The following KITLG variants were observed in gnomAD, a reference collection of about 807,000 sequenced individuals.
The protein encoded by KITLG is KIT ligand, also known as c-Kit ligand.
Under a neutral mutation model 34.1 loss-of-function variants are expected in KITLG, and 13 were observed. The observed-to-expected ratio is 0.38, with a 90% CI of 0.25 to 0.61. The LOEUF is 0.61. Among genes scored for constraint, KITLG ranks in the 20% least tolerant of loss-of-function variants. The pLI, the probability that KITLG is intolerant of heterozygous loss-of-function variation, is 0.60. For missense variants in KITLG, 292 were observed against 318.9 expected (o/e 0.92, Z 0.64); for synonymous variants, 110 against 104.0 (o/e 1.06, Z -0.35).
At chr12:88,560,080 CCTCT>C (rs1352902700) in intron 1 of KITLG, among the ~76,000 whole-genome samples, 1 of 152,174 alleles carries the variant, frequency 6.6e-6, no homozygotes, top group Non-Finnish European at 1.5e-5. Flanking sequence ...AATTATGTAA[CCTCT>C]CTGAGACTCA....
Position 88,493,112 on chromosome 12 carries a change from CA to C in KITLG, c.*4106del, listed in dbSNP as rs1333259522. ...GTCCATTGATTTAAAAAAATGGTGGCAAGTGGACACTATAATCACATATTAA... is the reference window on the plus strand; with the variant it reads ...GTCCATTGATTTAAAAAAATGGTGGCAGTGGACACTATAATCACATATTAA... On this transcript the variant is annotated 3_prime_UTR_variant, in exon 10 of 10. Coordinates refer to ENST00000644744, the MANE Select transcript of KITLG (RefSeq NM_000899.5). 1 of 152,074 alleles carries C rather than the reference CA, an allele frequency of 6.6e-6. No individual in the cohort carries two copies. The highest frequency in any genetic ancestry group is 1.5e-5 in the Non-Finnish European group (1 of 67,800). 9.4% of individuals were successfully genotyped at this position (152,074 alleles called of 1,614,324 possible). A position where few individuals can be genotyped will look rare whatever the true frequency, so the allele number is the denominator to read the frequency against.
chr12:88,569,225 G>A (rs1050247475), intron 1 of KITLG, among the ~76,000 whole-genome samples: 1 of 152,120 alleles, frequency 6.6e-6, no homozygotes, highest in East Asian at 1.9e-4. Context: ...TATTGGTGCC[G>A]CGATCTTGGG....
At chr12:88,577,275 C>T (rs1871859031) in intron 1 of KITLG, among the ~76,000 whole-genome samples, 1 of 152,100 alleles carries the variant, frequency 6.6e-6, no homozygotes, top group Non-Finnish European at 1.5e-5. Context: ...ATTCTATTTG[C>T]TTATTCTCTG....
chr12:88,511,632 G>A (rs1257589379), intron 6 of KITLG, among the ~76,000 whole-genome samples: 4 of 152,058 alleles, frequency 2.6e-5, no homozygotes, highest in South Asian at 2.1e-4. Flanking sequence ...TGCACCAGTA[G>A]AGAAGTCACA....
At chr12:88,578,673 A>G (rs1451279155) in intron 1 of KITLG, among the ~76,000 whole-genome samples, 2 of 152,110 alleles carry the variant, frequency 1.3e-5, no homozygotes, top group African/African-American at 4.8e-5. Context: ...CTGGCTTTGG[A>G]GTGTTGGACA....
intron 3 of KITLG, among the ~76,000 whole-genome samples, chr12:88,525,044 G>A (rs1869814712): frequency 6.6e-6 from 1 of 152,066 alleles, no homozygotes; most frequent in Non-Finnish European, 1.5e-5. Flanking sequence ...CCCCAAAATT[G>A]GTATTGATCA....
chr12:88,541,812 A>C (rs1169842277), intron 2 of KITLG, among the ~76,000 whole-genome samples: 1 of 149,988 alleles, frequency 6.7e-6, no homozygotes. Flanking sequence ...GTTCAAGAAG[A>C]AATTAAAAAA....
At position 88,532,510 on chromosome 12, in the gene KITLG, AG is replaced by A. The variant is rs1870135891; in HGVS notation, c.130-8del. The A allele has an allele frequency of 6.3e-6, 10 of 1,597,882 alleles. No homozygotes were observed. Among genetic ancestry groups the A allele is most frequent in the Non-Finnish European group, 6.8e-6 (8 of 1,169,928 alleles). On this transcript the variant is annotated splice_polypyrimidine_tract_variant and splice_region_variant and intron_variant, in intron 2 of 9. Coordinates refer to ENST00000644744, the MANE Select transcript of KITLG (RefSeq NM_000899.5). Reference sequence around the variant, plus strand: ...CTTTTGGAAGATTTGCCACCTACAGAGACAAAAAAAAAAATTCCATAAGAAA... The same window carrying A: ...CTTTTGGAAGATTTGCCACCTACAGAACAAAAAAAAAAATTCCATAAGAAA...
At chr12:88,509,475 G>C (rs1308198118) in intron 6 of KITLG, among the ~76,000 whole-genome samples, 1 of 152,184 alleles carries the variant, frequency 6.6e-6, no homozygotes, top group African/African-American at 2.4e-5. Flanking sequence ...AGAAAGCTCA[G>C]ACTTGCTCTC....
chr12:88,505,450 T>C (rs146721596), intron 8 of KITLG, among the ~76,000 whole-genome samples: 1 of 152,326 alleles, frequency 6.6e-6, no homozygotes, highest in Non-Finnish European at 1.5e-5. Flanking sequence ...CATTTCTTTC[T>C]CTGTATATGC....
At chr12:88,556,825 C>T (rs1455556529) in intron 1 of KITLG, among the ~76,000 whole-genome samples, 1 of 151,918 alleles carries the variant, frequency 6.6e-6, no homozygotes, top group Non-Finnish European at 1.5e-5. Flanking sequence ...TTGTGGGGTA[C>T]AGCAGCCAAT....
At chr12:88,558,494 T>A (rs967037988) in intron 1 of KITLG, among the ~76,000 whole-genome samples, 4 of 152,346 alleles carry the variant, frequency 2.6e-5, no homozygotes, top group Admixed American at 6.5e-5. Flanking sequence ...ACAAGCTTGA[T>A]TGGCAAAGGT....
chr12:88,530,900 T>C lies in KITLG; in HGVS notation c.192+1541A>G, dbSNP rs1047951452. On this transcript the variant is annotated intron_variant, in intron 3 of 9. Transcript: ENST00000644744. ...ATGCATTTTAAGCACAAGCACATAATGATGTGTTTAAATTGGTAACAACTT... is the reference window on the plus strand; with the variant it reads ...ATGCATTTTAAGCACAAGCACATAACGATGTGTTTAAATTGGTAACAACTT... 1.5e-4 allele frequency among the ~76,000 whole-genome samples: 23 copies of C among 152,292 alleles called. 1 individual carries two copies. Among genetic ancestry groups the C allele is most frequent in the Middle Eastern group, 6.8e-3 (2 of 294 alleles).
intron 1 of KITLG, among the ~76,000 whole-genome samples, chr12:88,555,247 A>G (rs1871057759): frequency 6.6e-6 from 1 of 152,232 alleles, no homozygotes. Context: ...AATACTACTT[A>G]AAGTGGAAAT....
intron 3 of KITLG, among the ~76,000 whole-genome samples, chr12:88,521,202 A>G (rs978310319): frequency 1.3e-5 from 2 of 152,170 alleles, no homozygotes; most frequent in African/African-American, 4.8e-5. Context: ...TCTTGAGTTT[A>G]TTAAAGATAA....
chr12:88,560,156 G>A (rs549717125), intron 1 of KITLG, among the ~76,000 whole-genome samples: 8 of 152,180 alleles, frequency 5.3e-5, no homozygotes, highest in East Asian at 3.9e-4. Context: ...ACAATGTTAT[G>A]TAAAGCACTC....
chr12:88,547,893 T>C (rs1444950429), intron 1 of KITLG, among the ~76,000 whole-genome samples: 1 of 152,260 alleles, frequency 6.6e-6, no homozygotes, highest in African/African-American at 2.4e-5. Flanking sequence ...TCCTAGGTGC[T>C]AGGCCTATAT....
At chr12:88,506,648 A>G (rs979292507) in intron 7 of KITLG, among the ~76,000 whole-genome samples, 2 of 152,228 alleles carry the variant, frequency 1.3e-5, no homozygotes, top group Non-Finnish European at 2.9e-5. Context: ...CTGAGTCACA[A>G]TGATTTTTGC....
At chr12:88,507,171 A>T in intron 6 of KITLG, 34 bp from the exon 7 acceptor site, 1 of 1,287,020 alleles carries the variant, frequency 7.8e-7, no homozygotes, top group Non-Finnish European at 1.1e-6. Context: ...TGAATACAGC[A>T]TATCCATTCT....
Sources: gnomAD v4.1 joint callset for allele counts (sites outside exome capture counted in the v4.1 genomes callset) on GRCh38, gnomAD v4.1.1 for gene constraint, MANE v1.5 for transcripts, NCBI Gene and HGNC (gene_info 2026-07-23, HGNC 2026-07-21) for gene names.